KDELR2: variants seen among roughly 807,000 people sequenced by gnomAD.
The protein encoded by KDELR2 is ER lumen protein-retaining receptor 2.
A neutral mutation model predicts 23.9 loss-of-function variants in KDELR2; 15 were observed. That is an observed-to-expected ratio of 0.63 (90% confidence interval 0.42 to 0.97). The LOEUF is 0.97. KDELR2 is among the 50% of genes least tolerant of loss of function. The probability of loss-of-function intolerance (pLI) is 0.00; values close to 1 mark genes in which losing one functional copy is unlikely to be tolerated. For missense variants in KDELR2, 272 were observed against 254.6 expected, an observed-to-expected ratio of 1.07 and a Z score of -0.46; for synonymous variants, 119 against 106.2, an observed-to-expected ratio of 1.12 and a Z score of -0.74.
intron 1 of KDELR2, chr7:6,482,511 C>T: frequency 4.4e-6 from 2 of 458,140 alleles, no homozygotes; most frequent in Non-Finnish European, 9.0e-6. Flanking sequence ...TTTGTAACAC[C>T]CATCTTAACT....
intron 2 of KDELR2, among the ~76,000 whole-genome samples, chr7:6,471,925 G>A (rs971280637): frequency 3.3e-5 from 5 of 150,280 alleles, no homozygotes; most frequent in African/African-American, 9.8e-5. Context: ...TTTTTGAAAC[G>A]GAGCCTTGCT....
rs945948342 is a variant in KDELR2 at position 6,461,359 on chromosome 7, T to C, written c.*1782A>G. On this transcript the variant is annotated 3_prime_UTR_variant, in exon 5 of 5. Coordinates refer to ENST00000258739, the MANE Select transcript of KDELR2 (RefSeq NM_006854.4). ...TCCATGCGTTGTGCTCTCCAGAGGA[T>C]GCGCCAGGTGTATCAGATTTGCATG... The C allele has an allele frequency of 2.0e-5, 3 of 152,044 alleles. No homozygotes were observed. The highest frequency in any genetic ancestry group is 7.2e-5 in the African/African-American group (3 of 41,398). 9.4% of individuals were successfully genotyped at this position (152,044 alleles called of 1,614,324 possible).
At chr7:6,481,229 C>T (rs901160391) in intron 1 of KDELR2, among the ~76,000 whole-genome samples, 8 of 151,858 alleles carry the variant, frequency 5.3e-5, no homozygotes, top group African/African-American at 1.9e-4. Flanking sequence ...ATTAGCCGAG[C>T]GTGGTGGCAA....
At position 6,484,066 on chromosome 7, in the gene KDELR2, C is replaced by T. The variant is rs772860164; in HGVS notation, c.-9G>A. The T allele has an allele frequency of 4.7e-6, 7 of 1,484,800 alleles. No individual in the cohort carries two copies. The highest frequency in any genetic ancestry group is 2.2e-5 in the Admixed American group (1 of 45,488). 92.0% of individuals were successfully genotyped at this position (1,484,800 alleles called of 1,614,324 possible). A position where few individuals can be genotyped will look rare whatever the true frequency, so the allele number is the denominator to read the frequency against. On this transcript the variant is annotated 5_prime_UTR_variant, in exon 1 of 5. Transcript: ENST00000258739. ...AGCCGGAAAATGTTCATGGCGGCGG[C>T]GGCGGTGGCGGTCGGCGCAGCGCGG...
chr7:6,478,684 C>T (rs1385174102), intron 1 of KDELR2, among the ~76,000 whole-genome samples: 1 of 152,192 alleles, frequency 6.6e-6, no homozygotes, highest in Non-Finnish European at 1.5e-5. Context: ...GGAGAGATGT[C>T]ATCTTGCTTC....
intron 1 of KDELR2, among the ~76,000 whole-genome samples, chr7:6,479,317 G>C (rs1187750412): frequency 6.6e-6 from 1 of 151,546 alleles, no homozygotes; most frequent in Non-Finnish European, 1.5e-5. Context: ...ACCACGGCTG[G>C]CTAACTTTTG....
intron 1 of KDELR2, among the ~76,000 whole-genome samples, chr7:6,481,844 T>A (rs895016813): frequency 6.6e-6 from 1 of 152,198 alleles, no homozygotes; most frequent in Non-Finnish European, 1.5e-5. Context: ...TAGACATTCA[T>A]CTATCCAATC....
chr7:6,471,713 A>G (rs893945199), intron 2 of KDELR2, among the ~76,000 whole-genome samples: 3 of 152,140 alleles, frequency 2.0e-5, no homozygotes, highest in African/African-American at 7.2e-5. Flanking sequence ...TTGGTGGTCC[A>G]TTGTATGGAT....
intron 4 of KDELR2, among the ~76,000 whole-genome samples, 154 bp from the exon 5 acceptor site, chr7:6,463,329 T>C (rs149065209): frequency 8.8e-4 from 134 of 152,376 alleles, no homozygotes; most frequent in African/African-American, 3.1e-3. Context: ...ACAAATTTGA[T>C]TGAAAGTGCC....
At chr7:6,478,018 T>C (rs1583320624) in intron 1 of KDELR2, among the ~76,000 whole-genome samples, 1 of 152,216 alleles carries the variant, frequency 6.6e-6, no homozygotes, top group African/African-American at 2.4e-5. Context: ...AAATTTGATA[T>C]TGTCAAATTT....
At chr7:6,475,967 G>A (rs1314521075) in intron 1 of KDELR2, among the ~76,000 whole-genome samples, 1 of 152,034 alleles carries the variant, frequency 6.6e-6, no homozygotes, top group Non-Finnish European at 1.5e-5. Flanking sequence ...GCTGGAGTGC[G>A]GTGGCACAAG....
At chr7:6,472,220 G>T (rs1007561383) in intron 2 of KDELR2, among the ~76,000 whole-genome samples, 7 of 152,134 alleles carry the variant, frequency 4.6e-5, no homozygotes, top group Non-Finnish European at 7.3e-5. Flanking sequence ...ATCTAGCCAA[G>T]GCTCACAGCA....
rs1785585851 is a variant in KDELR2, at chr7:6,469,720, T to A, written c.227A>T (p.Tyr76Phe). 1 of 1,614,070 alleles carries A rather than the reference T, an allele frequency of 6.2e-7. No homozygotes were observed. Among genetic ancestry groups the A allele is most frequent in the Non-Finnish European group, 8.5e-7 (1 of 1,179,978 alleles). The change falls in exon 3 of 5, where the codon TAC (tyrosine) becomes TTC (phenylalanine). Residue 76 changes from tyrosine to phenylalanine, a missense_variant. Physicochemically the swap from Tyr to Phe is conservative, Grantham distance 22. Transcript: ENST00000258739. ...TGCCTTAAATTTCAGGTAGATCAGG[T>A]ACACTGTGGCATAGGAGCAGGCAAG... ...IYLACSYATV[Y>F]LIYLKFKATY...
chr7:6,473,674 A>G (rs541033993), intron 2 of KDELR2, among the ~76,000 whole-genome samples: 3 of 152,230 alleles, frequency 2.0e-5, no homozygotes, highest in Admixed American at 6.5e-5. Flanking sequence ...CAAATGTAAT[A>G]AAAATGACAC....
intron 1 of KDELR2, among the ~76,000 whole-genome samples, chr7:6,483,229 G>A (rs1464971867): frequency 2.6e-5 from 4 of 152,182 alleles, no homozygotes; most frequent in Non-Finnish European, 5.9e-5. Flanking sequence ...GGGCGCCGCA[G>A]TTTTAAGAGA....
At chr7:6,478,034 A>G (rs183149566) in intron 1 of KDELR2, among the ~76,000 whole-genome samples, 2 of 152,342 alleles carry the variant, frequency 1.3e-5, no homozygotes, top group Admixed American at 1.3e-4. Context: ...AATTTCTCCT[A>G]GAAAGGCTAT....
At position 6,461,223 on chromosome 7, in the gene KDELR2, C is replaced by G. The variant is rs537706039; in HGVS notation, c.*1918G>C. The G allele has an allele frequency of 2.0e-5, 3 of 152,280 alleles. No homozygotes were observed. Among genetic ancestry groups the G allele is most frequent in the East Asian group, 1.9e-4 (1 of 5,186 alleles). The allele number at this position is 152,280 out of a possible 1,614,324, so 9.4% of individuals were successfully genotyped here. A position where few individuals can be genotyped will look rare whatever the true frequency, so the allele number is the denominator to read the frequency against. ...AGTCCCACACTCCCTCGCAGGCACC[C>G]TTGCTAAGATGTCCTCCTGGGTGAC... On this transcript the variant is annotated 3_prime_UTR_variant, in exon 5 of 5. Transcript: ENST00000258739.
In KDELR2 at chr7:6,462,984, G is replaced by A. The variant is rs1430922144; in HGVS notation, c.*157C>T. On this transcript the variant is annotated 3_prime_UTR_variant, in exon 5 of 5. Transcript: ENST00000258739. ...AGATGCATTAAACAGAAACCTTCTGGCTCTTTTCCTCTGCGTTTTTACAGA... is the reference window on the plus strand; with the variant it reads ...AGATGCATTAAACAGAAACCTTCTGACTCTTTTCCTCTGCGTTTTTACAGA... The A allele has an allele frequency of 2.5e-6, 4 of 1,613,704 alleles. No homozygotes were observed. The South Asian group carries it at 4.4e-5, about 18-fold the overall frequency.
chr7:6,481,401 T>C (rs1785889020), intron 1 of KDELR2, among the ~76,000 whole-genome samples: 1 of 150,636 alleles, frequency 6.6e-6, no homozygotes, highest in South Asian at 2.1e-4. Flanking sequence ...AAAATCATTA[T>C]TCTGAAGTTG....
Sources: gnomAD v4.1 joint callset for allele counts (sites outside exome capture counted in the v4.1 genomes callset) on GRCh38, gnomAD v4.1.1 for gene constraint, MANE v1.5 for transcripts, NCBI Gene and HGNC (gene_info 2026-07-23, HGNC 2026-07-21) for gene names.